SUGCT: variants seen among roughly 807,000 people sequenced by gnomAD.
The protein encoded by SUGCT is succinyl-CoA:glutarate CoA-transferase.
In SUGCT, 41 loss-of-function variants were observed where a neutral mutation model predicts 55.0. The ratio of observed to expected loss-of-function variants is 0.74; its 90% CI spans 0.58 to 0.97. The LOEUF is 0.97. Among genes scored for constraint, SUGCT ranks in the 50% least tolerant of loss-of-function variants. The probability of loss-of-function intolerance (pLI) is 0.00; values close to 1 mark genes in which losing one functional copy is unlikely to be tolerated. For missense variants in SUGCT, 568 were observed against 547.8 expected, an observed-to-expected ratio of 1.04 and a Z score of -0.37; for synonymous variants, 187 against 200.4, an observed-to-expected ratio of 0.93 and a Z score of 0.56.
At position 40,551,963 on chromosome 7, in the gene SUGCT, A is replaced by G. The variant is rs140869834; in HGVS notation, c.1089+55577A>G. On this transcript the variant is annotated intron_variant, in intron 12 of 13. Coordinates refer to ENST00000335693, the MANE Select transcript of SUGCT (RefSeq NM_001193313.2). Reference sequence around the variant, plus strand: ...ATAACAGAGCCTATCAGACTCATCAAACTTGAGCTACACCATCTTGGAATG... The same window carrying G: ...ATAACAGAGCCTATCAGACTCATCAGACTTGAGCTACACCATCTTGGAATG... Among the ~76,000 whole-genome samples, 651 of 152,286 alleles carry G rather than the reference A, an allele frequency of 4.3e-3. 6 individuals carry two copies. The highest frequency in any genetic ancestry group is 0.015 in the African/African-American group (625 of 41,540).
intron 11 of SUGCT, among the ~76,000 whole-genome samples, chr7:40,462,297 G>C (rs1308870775): frequency 6.6e-6 from 1 of 152,148 alleles, no homozygotes; most frequent in African/African-American, 2.4e-5. Context: ...TATGGAGTAA[G>C]TCAGAGGACA....
intron 7 of SUGCT, among the ~76,000 whole-genome samples, chr7:40,248,886 T>TCGCG (rs541035947): frequency 1.3e-3 from 145 of 111,064 alleles, no homozygotes; most frequent in African/African-American, 3.7e-3. Flanking sequence ...GCGCGCGCGC[T>TCGCG]CGCACACACA....
At chr7:40,847,271 A>G (rs941992695) in intron 13 of SUGCT, among the ~76,000 whole-genome samples, 4 of 152,104 alleles carry the variant, frequency 2.6e-5, no homozygotes, top group Non-Finnish European at 4.4e-5. Context: ...CCTGTCCATC[A>G]TGGGTTGACA....
At chr7:40,451,772 G>A (rs907636024) in intron 10 of SUGCT, among the ~76,000 whole-genome samples, 14 of 152,162 alleles carry the variant, frequency 9.2e-5, no homozygotes, top group South Asian at 2.1e-4. Context: ...AAAATCATCT[G>A]TTCCTCCATT....
At chr7:40,898,480 CGGGGGGGG>C in the SUGCT span, among the ~76,000 whole-genome samples, 71 of 5,720 alleles carry the variant, frequency 0.012, 19 homozygotes, top group Middle Eastern at 0.17. Flanking sequence ...TCCGGGAGGT[CGGGGGGGG>C]GGGGGGGGGT....
intron 11 of SUGCT, among the ~76,000 whole-genome samples, chr7:40,478,208 G>T (rs1368110524): frequency 6.6e-6 from 1 of 151,848 alleles, no homozygotes; most frequent in South Asian, 2.1e-4. Context: ...GTCTTGCTTT[G>T]TTGCCTAGCT....
intron 7 of SUGCT, among the ~76,000 whole-genome samples, chr7:40,249,637 A>G (rs1003473924): frequency 3.3e-5 from 5 of 152,022 alleles, no homozygotes; most frequent in Admixed American, 2.0e-4. Flanking sequence ...TAAATAGTCT[A>G]GGTTAAGTAA....
chr7:40,825,028 G>A (rs1159614765), intron 13 of SUGCT, among the ~76,000 whole-genome samples: 2 of 152,172 alleles, frequency 1.3e-5, no homozygotes, highest in Admixed American at 1.3e-4. Flanking sequence ...AGCTCTTCCT[G>A]TCTTGCAATG....
chr7:40,367,451 A>G (rs920661742), intron 9 of SUGCT, among the ~76,000 whole-genome samples: 1 of 24,050 alleles, frequency 4.2e-5, no homozygotes, highest in Non-Finnish European at 7.1e-5. Flanking sequence ...AATTACCCAG[A>G]AAAAAAAAAT....
intron 5 of SUGCT, among the ~76,000 whole-genome samples, chr7:40,193,280 G>GGTTTT (rs1554286577): frequency 3.4e-5 from 3 of 87,168 alleles, no homozygotes; most frequent in Admixed American, 1.5e-4. Flanking sequence ...CAATTACTGT[G>GGTTTT]TTTTTTTTTT....
At position 40,310,964 on chromosome 7, in the gene SUGCT, A is replaced by G. The variant is rs540402804; in HGVS notation, c.721-5796A>G. Among the ~76,000 whole-genome samples the G allele has an allele frequency of 6.6e-5, 10 of 152,264 alleles. No homozygotes were observed. The South Asian group carries it at 1.9e-3, about 28-fold the overall frequency. On this transcript the variant is annotated intron_variant, in intron 8 of 13. Transcript: ENST00000335693. Reference sequence around the variant, plus strand: ...AGGTTAGGACTTTTAAATACTTTCTATAGGCTGCTGAGTCCTGCCTAATTG... The same window carrying G: ...AGGTTAGGACTTTTAAATACTTTCTGTAGGCTGCTGAGTCCTGCCTAATTG...
chr7:40,435,163 CTA>C (rs1194910327), intron 9 of SUGCT, among the ~76,000 whole-genome samples: 1 of 152,140 alleles, frequency 6.6e-6, no homozygotes, highest in African/African-American at 2.4e-5. Context: ...GGCTGACCCT[CTA>C]TGCTTCAAGG....
intron 12 of SUGCT, among the ~76,000 whole-genome samples, chr7:40,602,964 A>G (rs1290396298): frequency 6.6e-6 from 1 of 152,146 alleles, no homozygotes; most frequent in Non-Finnish European, 1.5e-5. Context: ...TGCAGTAGTG[A>G]TGGGATGTTG....
Position 40,860,743 on chromosome 7 carries a change from T to C in SUGCT, c.*264T>C. The C allele has an allele frequency of 3.3e-6, 1 of 305,108 alleles. No homozygotes were observed. Among genetic ancestry groups the C allele is most frequent in the Non-Finnish European group, 5.9e-6 (1 of 168,550 alleles). The allele number at this position is 305,108 out of a possible 1,614,324, so 18.9% of individuals were successfully genotyped here. ...TTGTGGGATTTTTAAAAATAAAGTT[T>C]TAATTTTTTTCCTGGAAAAATGCAC... On this transcript the variant is annotated 3_prime_UTR_variant, in exon 14 of 14. Transcript: ENST00000335693.
At chr7:40,843,502 CTG>C (rs10533463) in intron 13 of SUGCT, among the ~76,000 whole-genome samples, 26,521 of 112,240 alleles carry the variant, frequency 0.24, 3,671 homozygotes, top group East Asian at 0.79. Flanking sequence ...GAGAGAGACT[CTG>C]TCTCAAAAAA....
intron 6 of SUGCT, among the ~76,000 whole-genome samples, chr7:40,208,263 T>C (rs1408701961): frequency 2.0e-5 from 3 of 152,122 alleles, no homozygotes; most frequent in Non-Finnish European, 4.4e-5. Flanking sequence ...AGATGGATGG[T>C]GGTGATAGTT....
chr7:40,919,032 G>T, the SUGCT span, among the ~76,000 whole-genome samples: 2 of 152,178 alleles, frequency 1.3e-5, no homozygotes, highest in African/African-American at 4.8e-5. Flanking sequence ...TATTTCACAG[G>T]CATGGAGCGC....
At chr7:40,547,214 A>G (rs1795038719) in intron 12 of SUGCT, among the ~76,000 whole-genome samples, 1 of 152,136 alleles carries the variant, frequency 6.6e-6, no homozygotes, top group Non-Finnish European at 1.5e-5. Flanking sequence ...CGAGGCAAGC[A>G]AAGTTCCCTC....
intron 9 of SUGCT, among the ~76,000 whole-genome samples, chr7:40,408,789 T>C (rs960243415): frequency 6.6e-6 from 1 of 152,182 alleles, no homozygotes; most frequent in African/African-American, 2.4e-5. Flanking sequence ...TGAAGTCATT[T>C]GCCCAAAGAT....
Sources: gnomAD v4.1 joint callset for allele counts (sites outside exome capture counted in the v4.1 genomes callset) on GRCh38, gnomAD v4.1.1 for gene constraint, MANE v1.5 for transcripts, NCBI Gene and HGNC (gene_info 2026-07-23, HGNC 2026-07-21) for gene names.